Variants in STAU2 observed in about 807,000 individuals in gnomAD.
STAU2 encodes staufen double-stranded RNA binding protein 2.
Under a neutral mutation model 65.9 loss-of-function variants are expected in STAU2, and 20 were observed. The ratio of observed to expected loss-of-function variants is 0.30; its 90% CI spans 0.21 to 0.44. The LOEUF (loss-of-function observed/expected upper bound fraction) is 0.44. Among genes scored for constraint, STAU2 ranks in the 20% least tolerant of loss-of-function variants. The pLI, the probability that STAU2 is intolerant of heterozygous loss-of-function variation, is 1.00. For synonymous variants in STAU2, 232 were observed against 233.9 expected, an observed-to-expected ratio of 0.99 and a Z score of 0.07; for missense variants, 558 against 683.9, an observed-to-expected ratio of 0.82 and a Z score of 2.05.
chr8:73,740,340 A>C (rs965833403), intron 1 of STAU2, among the ~76,000 whole-genome samples: 7 of 152,234 alleles, frequency 4.6e-5, no homozygotes, highest in African/African-American at 1.4e-4. Flanking sequence ...CTATAATTCA[A>C]TATTCCCATG....
chr8:73,496,245 T>C (rs1563385739), intron 13 of STAU2, among the ~76,000 whole-genome samples: 1 of 151,408 alleles, frequency 6.6e-6, no homozygotes, highest in Non-Finnish European at 1.5e-5. Context: ...AAAAGAATGT[T>C]TAGAAAATTC....
intron 13 of STAU2, among the ~76,000 whole-genome samples, chr8:73,549,130 C>T (rs1301082005): frequency 6.6e-6 from 1 of 152,040 alleles, no homozygotes; most frequent in Non-Finnish European, 1.5e-5. Flanking sequence ...ACAAGGAACC[C>T]TGAAACACTA....
chr8:73,468,089 G>C (rs1819759540), intron 13 of STAU2, among the ~76,000 whole-genome samples: 2 of 152,152 alleles, frequency 1.3e-5, no homozygotes, highest in East Asian at 3.8e-4. Flanking sequence ...AAACAGCATG[G>C]TACTGGTACC....
At chr8:73,634,619 T>C (rs1333300740) in intron 6 of STAU2, among the ~76,000 whole-genome samples, 1 of 152,232 alleles carries the variant, frequency 6.6e-6, no homozygotes, top group African/African-American at 2.4e-5. Flanking sequence ...CTTACATAAA[T>C]CAGGCTCCCA....
chr8:73,568,550 C>T (rs1808794913), intron 12 of STAU2, among the ~76,000 whole-genome samples: 9 of 151,950 alleles, frequency 5.9e-5, no homozygotes, highest in Admixed American at 5.9e-4. Context: ...CTGCAATGAG[C>T]TATGATCATG....
rs529788000 is a variant in STAU2 at position 73,529,528 on chromosome 8, ATTCT to A, written c.1530+22480_1530+22483del. Among the ~76,000 whole-genome samples the A allele has an allele frequency of 5.9e-5, 9 of 152,292 alleles. No homozygotes were observed. The East Asian group carries it at 1.7e-3, about 29-fold the overall frequency. On this transcript the variant is annotated intron_variant, in intron 13 of 14. Coordinates refer to ENST00000524300, the MANE Select transcript of STAU2 (RefSeq NM_001164380.2). The stretch of plus-strand genomic sequence containing the variant: ...ATGTCAGCTGACTTAATGTAGCTCT[ATTCT>A]TTCTCTTAGAGAAATGAAAATTAGA...
At chr8:73,668,373 C>A (rs895024583) in intron 6 of STAU2, among the ~76,000 whole-genome samples, 35 of 152,308 alleles carry the variant, frequency 2.3e-4, no homozygotes, top group African/African-American at 7.9e-4. Flanking sequence ...TTCCCATTTG[C>A]ACATAACCTA....
At chr8:73,547,234 A>G (rs1806995971) in intron 13 of STAU2, among the ~76,000 whole-genome samples, 1 of 152,166 alleles carries the variant, frequency 6.6e-6, no homozygotes, top group Non-Finnish European at 1.5e-5. Context: ...ATAGCAACAT[A>G]GTTTACGCAG....
chr8:73,637,409 A>G (rs1199895694), intron 6 of STAU2, among the ~76,000 whole-genome samples: 1 of 149,414 alleles, frequency 6.7e-6, no homozygotes, highest in Admixed American at 6.7e-5. Context: ...TGACTTCTCA[A>G]GAGAAAAAAT....
At chr8:73,589,436 T>C (rs1810609986) in intron 11 of STAU2, among the ~76,000 whole-genome samples, 1 of 152,136 alleles carries the variant, frequency 6.6e-6, no homozygotes, top group Admixed American at 6.5e-5. Context: ...GAAAGGTATT[T>C]TACAACACCT....
chr8:73,479,842 A>C (rs1436138057), intron 13 of STAU2, among the ~76,000 whole-genome samples: 11 of 151,668 alleles, frequency 7.3e-5, no homozygotes, highest in Non-Finnish European at 1.3e-4. Flanking sequence ...TATCTTCAGG[A>C]ACGTAGACAT....
intron 13 of STAU2, among the ~76,000 whole-genome samples, chr8:73,485,141 C>CTTTTTT (rs10524978): frequency 4.8e-5 from 4 of 82,824 alleles, no homozygotes; most frequent in Non-Finnish European, 8.5e-5. Context: ...CATCCTTACT[C>CTTTTTT]TTTTTTTTTT....
At chr8:73,450,647 T>C (rs1261502714) in intron 13 of STAU2, among the ~76,000 whole-genome samples, 1 of 152,240 alleles carries the variant, frequency 6.6e-6, no homozygotes, top group African/African-American at 2.4e-5. Context: ...TTCATCATCC[T>C]TCTGAACACA....
chr8:73,438,583 G>C (rs1387821515), intron 13 of STAU2, among the ~76,000 whole-genome samples: 1 of 152,220 alleles, frequency 6.6e-6, no homozygotes, highest in Non-Finnish European at 1.5e-5. Context: ...CCTTATTCTG[G>C]GGAAGGCTGG....
chr8:73,655,860 G>A (rs1210497277), intron 6 of STAU2, among the ~76,000 whole-genome samples: 1 of 151,906 alleles, frequency 6.6e-6, no homozygotes, highest in Non-Finnish European at 1.5e-5. Flanking sequence ...GTGTTAGCCA[G>A]GATAGTCTCA....
intron 9 of STAU2, among the ~76,000 whole-genome samples, chr8:73,605,719 A>G (rs1811959528): frequency 6.8e-6 from 1 of 147,494 alleles, no homozygotes; most frequent in African/African-American, 2.5e-5. Flanking sequence ...CAGACTACCT[A>G]ATTTCAAGAT....
chr8:73,700,335 A>T (rs894799139), intron 4 of STAU2, among the ~76,000 whole-genome samples: 1 of 152,148 alleles, frequency 6.6e-6, no homozygotes, highest in African/African-American at 2.4e-5. Flanking sequence ...ATCAGGCAAG[A>T]GAAAGAAAGA....
intron 13 of STAU2, among the ~76,000 whole-genome samples, chr8:73,463,552 A>G (rs549422477): frequency 5.3e-5 from 8 of 152,352 alleles, no homozygotes; most frequent in African/African-American, 1.9e-4. Flanking sequence ...AAGTTTTTCT[A>G]AGTGCTCAAG....
intron 13 of STAU2, among the ~76,000 whole-genome samples, chr8:73,446,493 A>G (rs1352654785): frequency 6.6e-6 from 1 of 152,240 alleles, no homozygotes; most frequent in Non-Finnish European, 1.5e-5. Flanking sequence ...AACCACTGGA[A>G]GAGACTGTGT....
Sources: gnomAD v4.1 joint callset for allele counts (sites outside exome capture counted in the v4.1 genomes callset) on GRCh38, gnomAD v4.1.1 for gene constraint, MANE v1.5 for transcripts, NCBI Gene and HGNC (gene_info 2026-07-23, HGNC 2026-07-21) for gene names.